Variants in PDE1B observed in about 807,000 individuals in gnomAD.
PDE1B encodes the protein dual specificity calcium/calmodulin-dependent 3',5'-cyclic nucleotide phosphodiesterase 1B.
PDE1B carries 13 observed loss-of-function variants against 66.7 expected under a neutral mutation model. The ratio of observed to expected loss-of-function variants is 0.19; its 90% confidence interval spans 0.13 to 0.31. The LOEUF is 0.31. Ranked by LOEUF, PDE1B falls within the 10% of genes least tolerant of loss-of-function variation. The pLI is 1.00. For missense variants in PDE1B, 485 were observed against 682.3 expected (o/e 0.71, Z 3.22); for synonymous variants, 230 against 253.9 (o/e 0.91, Z 0.90).
At chr12:54,564,806 G>C (rs190984160) in intron 2 of PDE1B, among the ~76,000 whole-genome samples, 118 of 152,284 alleles carry the variant, frequency 7.7e-4, no homozygotes, top group African/African-American at 2.6e-3. Context: ...CACCGATTAA[G>C]AGTTAGTGAC....
At chr12:54,557,754 G>A (rs1957360618) in intron 2 of PDE1B, among the ~76,000 whole-genome samples, 1 of 152,222 alleles carries the variant, frequency 6.6e-6, no homozygotes, top group South Asian at 2.1e-4. Flanking sequence ...CTGTTAGGAT[G>A]TAGTTTGGAG....
chr12:54,575,009 A>G lies in PDE1B; in HGVS notation c.1065-89A>G. 1 of 931,872 alleles carries G rather than the reference A, an allele frequency of 1.1e-6. No individual in the cohort carries two copies. The highest frequency in any genetic ancestry group is 1.7e-6 in the Non-Finnish European group (1 of 604,592). The allele number at this position is 931,872 out of a possible 1,614,324, so 57.7% of individuals were successfully genotyped here. On this transcript the variant is annotated intron_variant, in intron 10 of 15. Transcript: ENST00000243052. The surrounding 1 kb of genome is among the most constrained non-coding windows in gnomAD (Gnocchi z 4.0). Reference sequence around the variant, plus strand: ...AAAAAAAAAAGGAAGAAGTTATGTGATAGGGTGTGCGTGGGAAGTTAGGGA... The same window carrying G: ...AAAAAAAAAAGGAAGAAGTTATGTGGTAGGGTGTGCGTGGGAAGTTAGGGA...
intron 2 of PDE1B, among the ~76,000 whole-genome samples, chr12:54,564,001 A>C (rs1238170936): frequency 6.6e-6 from 1 of 152,164 alleles, no homozygotes; most frequent in Non-Finnish European, 1.5e-5. Flanking sequence ...GAGCTCTTGT[A>C]TAGCTTCTGT....
intron 2 of PDE1B, chr12:54,561,305 T>C (rs139911865): frequency 3.0e-6 from 1 of 330,952 alleles, no homozygotes; most frequent in African/African-American, 2.1e-5. Flanking sequence ...CTTTCTGGGC[T>C]TCTTCTGAGA....
intron 2 of PDE1B, chr12:54,561,455 T>G: frequency 7.8e-7 from 1 of 1,281,446 alleles, no homozygotes; most frequent in Non-Finnish European, 9.9e-7. Flanking sequence ...TTCTCTCTGG[T>G]CAGTTGCTCA....
rs770557756 is a variant in PDE1B, at chr12:54,572,609, T to A, written c.603T>A (p.Thr201=). 6.2e-7 allele frequency: 1 copy of A among 1,613,946 alleles called. No homozygotes were observed. Among genetic ancestry groups the A allele is most frequent in the Non-Finnish European group, 8.5e-7 (1 of 1,179,816 alleles). ...CCCCTAACTCCCCGCAGATTCCCAC[T>A]GTGTTTTTGATGAGTTTCCTGGATG... ...HNLISRFKIP[T]VFLMSFLDAL... The change falls in exon 7 of 16, where the codon ACT becomes ACA. Residue 201 remains threonine, a synonymous_variant. Transcript: ENST00000243052.
At chr12:54,564,732 A>G (rs55718439) in intron 2 of PDE1B, among the ~76,000 whole-genome samples, 3,911 of 152,326 alleles carry the variant, frequency 0.026, 67 homozygotes, top group East Asian at 0.047. Context: ...CCTAGAATCT[A>G]TATTTTTTAC....
In PDE1B at chr12:54,575,992, G is replaced by A. The variant is rs1565706364; in HGVS notation, c.1268G>A (p.Gly423Glu). 6.2e-7 allele frequency: 1 copy of A among 1,603,694 alleles called. No individual in the cohort carries two copies. Among genetic ancestry groups the A allele is most frequent in the Non-Finnish European group, 8.5e-7 (1 of 1,170,506 alleles). The change falls in exon 13 of 16, where the codon GGG (glycine) becomes GAG (glutamate). Residue 423 changes from glycine to glutamate, a missense_variant and splice_region_variant. By Grantham distance (98) the Gly-to-Glu change is moderately conservative. Coordinates refer to ENST00000243052, the MANE Select transcript of PDE1B (RefSeq NM_000924.4). This position sits in a 1 kb window ranked among gnomAD's most constrained non-coding sequence, Gnocchi z 4.0. Reference sequence around the variant, plus strand: ...CTACGGCATTGCTCCTCCACTGCAGGGTTCATCGACTTCATTGTGGAGCCC... The same window carrying A: ...CTACGGCATTGCTCCTCCACTGCAGAGTTCATCGACTTCATTGTGGAGCCC... ...TSTLVAQSQI[G>E]FIDFIVEPTF...
intron 2 of PDE1B, among the ~76,000 whole-genome samples, chr12:54,551,319 T>G (rs1257044762): frequency 6.6e-6 from 1 of 152,250 alleles, no homozygotes; most frequent in Non-Finnish European, 1.5e-5. Context: ...CAACAAGGCT[T>G]GGAATCCAAA....
chr12:54,558,647 C>T (rs1957369796), intron 2 of PDE1B, among the ~76,000 whole-genome samples: 1 of 152,164 alleles, frequency 6.6e-6, no homozygotes, highest in Non-Finnish European at 1.5e-5. Flanking sequence ...TCCACTGCCT[C>T]CCCAGGGCCT....
intron 2 of PDE1B, chr12:54,561,603 G>T: frequency 6.5e-7 from 1 of 1,533,646 alleles, no homozygotes; most frequent in Non-Finnish European, 8.7e-7. Flanking sequence ...CCCTGTTCCT[G>T]TTCAGAGGAG....
intron 13 of PDE1B, 160 bp downstream of exon 13, chr12:54,576,260 G>A: frequency 1.6e-6 from 1 of 638,552 alleles, no homozygotes; most frequent in Non-Finnish European, 2.9e-6. Context: ...ACAGAAGGAT[G>A]GGATCAGAAG....
chr12:54,576,433 T>C (rs1406084933), intron 13 of PDE1B, 138 bp from the exon 14 acceptor site: 3 of 930,912 alleles, frequency 3.2e-6, no homozygotes, highest in Non-Finnish European at 4.9e-6. Flanking sequence ...ACTTGGGGAA[T>C]ATCTAGTAGA....
chr12:54,571,046 G>C (rs2121131883), intron 6 of PDE1B: 1 of 152,446 alleles, frequency 6.6e-6, no homozygotes, highest in South Asian at 2.1e-4. Context: ...GGGATATTGG[G>C]TCAGCACTTT....
chr12:54,571,413 C>A (rs11170973), intron 6 of PDE1B: 20,603 of 152,112 alleles, frequency 0.14, 2,286 homozygotes, highest in East Asian at 0.32. Context: ...TTTCCTAAGA[C>A]TTTTCCCAGC....
Position 54,573,388 on chromosome 12 carries a change from A to G in PDE1B, c.870A>G (p.Ser290=). Residue 290 remains serine, a synonymous_variant, in exon 9 of 16, where the codon TCA becomes TCG. Transcript: ENST00000243052. This position sits in a 1 kb window ranked among gnomAD's most constrained non-coding sequence, Gnocchi z 5.2. ...GTGCCATCGTGTACAATGATCGTTCAGTGCTGGAGAATCACCACATCAGCT... is the reference window on the plus strand; with the variant it reads ...GTGCCATCGTGTACAATGATCGTTCGGTGCTGGAGAATCACCACATCAGCT... The part of the protein sequence containing the change: ...SECAIVYNDR[S]VLENHHISSV... 1.9e-6 allele frequency: 3 copies of G among 1,614,112 alleles called. No individual in the cohort carries two copies. The highest frequency in any genetic ancestry group is 2.5e-6 in the Non-Finnish European group (3 of 1,179,976).
chr12:54,575,773 G>T lies in PDE1B; in HGVS notation c.1267+141G>T. ...CTACTGTGCTAGAGCATGGGGTCCTGGGTTAGGAGGCCAGGGGGCTGCAAT... is the reference window on the plus strand; with the variant it reads ...CTACTGTGCTAGAGCATGGGGTCCTTGGTTAGGAGGCCAGGGGGCTGCAAT... On this transcript the variant is annotated intron_variant, in intron 12 of 15. Coordinates refer to ENST00000243052, the MANE Select transcript of PDE1B (RefSeq NM_000924.4). The surrounding 1 kb of genome is among the most constrained non-coding windows in gnomAD (Gnocchi z 4.0). 2.6e-6 allele frequency: 2 copies of T among 756,402 alleles called. No homozygotes were observed. Among genetic ancestry groups the T allele is most frequent in the Non-Finnish European group, 4.6e-6 (2 of 436,386 alleles). 46.9% of individuals were successfully genotyped at this position (756,402 alleles called of 1,614,324 possible).
At chr12:54,570,474 G>A (rs1226309148) in intron 6 of PDE1B, 117 bp downstream of exon 6, 1 of 714,056 alleles carries the variant, frequency 1.4e-6, no homozygotes, top group African/African-American at 1.7e-5. Context: ...TCAACATCAG[G>A]GAAGTCTCCC....
chr12:54,577,779 G>C (rs1042874277), intron 15 of PDE1B, 81 bp from the exon 16 acceptor site: 1 of 425,064 alleles, frequency 2.4e-6, no homozygotes, highest in African/African-American at 2.0e-5. Flanking sequence ...GACTGAGTGG[G>C]GATCAGGACT....
Sources: gnomAD v4.1 joint callset for allele counts (sites outside exome capture counted in the v4.1 genomes callset) on GRCh38, gnomAD v4.1.1 for gene constraint, Gnocchi (gnomAD v3.1) non-coding constraint, MANE v1.5 for transcripts, NCBI Gene and HGNC (gene_info 2026-07-23, HGNC 2026-07-21) for gene names.